DCP2: variants seen among roughly 807,000 people sequenced by gnomAD.
DCP2 encodes the protein decapping mRNA 2, also known as m7GpppN-mRNA hydrolase.
In DCP2, 30 loss-of-function variants were observed where a neutral mutation model predicts 56.1. That is an observed-to-expected ratio of 0.53 (90% CI 0.40 to 0.73). The LOEUF (loss-of-function observed/expected upper bound fraction) is 0.73, where lower values mean the gene tolerates loss of function less well. DCP2 is among the 30% of genes least tolerant of loss of function. The probability of loss-of-function intolerance (pLI) is 0.00; values close to 1 mark genes in which losing one functional copy is unlikely to be tolerated. For synonymous variants in DCP2, 197 were observed against 163.3 expected (o/e 1.21, Z -1.57); for missense variants, 533 against 502.7 (o/e 1.06, Z -0.58).
chr5:113,022,058 T>C lies in DCP2; in HGVS notation c.*8574T>C, dbSNP rs1190725317. On this transcript the variant is annotated 3_prime_UTR_variant, in exon 11 of 11. Transcript: ENST00000389063. ...TTTGCCTGCATGTATATCACAGTTC[T>C]ACAGAAGGATAGCCTTACCCTTTAA... 1 of 152,280 alleles carries C rather than the reference T, an allele frequency of 6.6e-6. No individual in the cohort carries two copies. The highest frequency in any genetic ancestry group is 2.4e-5 in the African/African-American group (1 of 41,458). 9.4% of individuals were successfully genotyped at this position (152,280 alleles called of 1,614,324 possible).
chr5:112,981,948 T>A (rs1279956230), intron 1 of DCP2, among the ~76,000 whole-genome samples: 1 of 152,160 alleles, frequency 6.6e-6, no homozygotes, highest in East Asian at 1.9e-4. Flanking sequence ...ATATTTTTAG[T>A]GGAGACGGGG....
intron 2 of DCP2, 131 bp downstream of exon 2, chr5:112,986,117 A>G: frequency 1.2e-6 from 1 of 842,256 alleles, no homozygotes; most frequent in Admixed American, 2.9e-5. Flanking sequence ...AAATTTGTCA[A>G]ACATAAATAG....
intron 9 of DCP2, among the ~76,000 whole-genome samples, chr5:113,010,034 CTTTT>C (rs532353785): frequency 1.6e-5 from 2 of 127,564 alleles, no homozygotes; most frequent in Non-Finnish European, 1.7e-5. Context: ...TGCCTCAGCT[CTTTT>C]TTTTTTTTTT....
intron 6 of DCP2, 35 bp downstream of exon 6, chr5:113,001,504 A>G: frequency 1.2e-6 from 2 of 1,608,344 alleles, no homozygotes; most frequent in Non-Finnish European, 8.5e-7. Context: ...AACTTTCATG[A>G]TTGGGATAGT....
chr5:113,013,368 C>T lies in DCP2; in HGVS notation c.1147C>T (p.His383Tyr), dbSNP rs1749757385. ...CTCCAGTGAAGACCAGTTGCTAGAA[C>T]ATGCTGAGGGACAGCCCGTGGCATG... ...PSSSEDQLLE[H>Y]AEGQPVACNG... The change falls in exon 11 of 11, where the codon CAT becomes TAT. Residue 383 changes from histidine to tyrosine, a missense_variant. His to Tyr is a moderately conservative substitution (Grantham distance 83). Coordinates refer to ENST00000389063, the MANE Select transcript of DCP2 (RefSeq NM_152624.6). 6.2e-7 allele frequency: 1 copy of T among 1,614,054 alleles called. No individual in the cohort carries two copies. Among genetic ancestry groups the T allele is most frequent in the Non-Finnish European group, 8.5e-7 (1 of 1,180,010 alleles).
chr5:113,006,743 A>C (rs113011907), intron 8 of DCP2, among the ~76,000 whole-genome samples: 2 of 152,366 alleles, frequency 1.3e-5, no homozygotes, highest in East Asian at 3.9e-4. Context: ...ATTTAAACTT[A>C]AGAATTTTTT....
intron 1 of DCP2, among the ~76,000 whole-genome samples, chr5:112,981,891 C>T (rs1316195041): frequency 6.6e-6 from 1 of 152,174 alleles, no homozygotes; most frequent in Non-Finnish European, 1.5e-5. Context: ...CTGCCTCATC[C>T]TCCCGAGTAG....
At position 113,015,816 on chromosome 5, in the gene DCP2, T is replaced by C. The variant is rs1749862708; in HGVS notation, c.*2332T>C. 6.5e-6 allele frequency: 1 copy of C among 152,676 alleles called. No homozygotes were observed. The highest frequency in any genetic ancestry group is 2.1e-4 in the South Asian group (1 of 4,834). The allele number at this position is 152,676 out of a possible 1,614,324, so 9.5% of individuals were successfully genotyped here. A position where few individuals can be genotyped will look rare whatever the true frequency, so the allele number is the denominator to read the frequency against. On this transcript the variant is annotated 3_prime_UTR_variant, in exon 11 of 11. Coordinates refer to ENST00000389063, the MANE Select transcript of DCP2 (RefSeq NM_152624.6). ...ATAGTTTCTCAGTGTTCAGGTTACC[T>C]TGAGAAAGGCCATGCTTAGCGAACT...
chr5:113,011,100 G>A (rs1257560350), intron 10 of DCP2, among the ~76,000 whole-genome samples: 1 of 152,142 alleles, frequency 6.6e-6, no homozygotes, highest in Non-Finnish European at 1.5e-5. Context: ...TTTGGGGAGA[G>A]TAGAAAGAAT....
At position 113,004,942 on chromosome 5, in the gene DCP2, G is replaced by A. The variant is rs1026608093; in HGVS notation, c.942+865G>A. Among the ~76,000 whole-genome samples the A allele has an allele frequency of 4.0e-5, 6 of 151,824 alleles. No homozygotes were observed. In the East Asian group the frequency reaches 9.7e-4, roughly 24 times the overall value. On this transcript the variant is annotated intron_variant, in intron 8 of 10. Transcript: ENST00000389063. ...ATAAGTTCGAGATCAGCCCCGACATGGTGAAACCCCGTCTTTACTAAAAAT... is the reference window on the plus strand; with the variant it reads ...ATAAGTTCGAGATCAGCCCCGACATAGTGAAACCCCGTCTTTACTAAAAAT...
intron 4 of DCP2, among the ~76,000 whole-genome samples, chr5:113,000,430 A>ACC (rs1161985508): frequency 1.4e-5 from 2 of 141,152 alleles, no homozygotes; most frequent in South Asian, 2.3e-4. Context: ...ACACACCCAC[A>ACC]CACCCTACCT....
chr5:112,983,466 C>T (rs148031168), intron 1 of DCP2, among the ~76,000 whole-genome samples: 146 of 152,200 alleles, frequency 9.6e-4, no homozygotes, highest in African/African-American at 3.3e-3. Context: ...AATTTGAACT[C>T]CTTGGCTTTA....
rs1749929396 is a variant in DCP2, at chr5:113,017,298, A to C, written c.*3814A>C. The C allele has an allele frequency of 6.6e-6, 1 of 151,764 alleles. No homozygotes were observed. Among genetic ancestry groups the C allele is most frequent in the South Asian group, 2.1e-4 (1 of 4,826 alleles). The allele number at this position is 151,764 out of a possible 1,614,324, so 9.4% of individuals were successfully genotyped here. A position where few individuals can be genotyped will look rare whatever the true frequency, so the allele number is the denominator to read the frequency against. On this transcript the variant is annotated 3_prime_UTR_variant, in exon 11 of 11. Transcript: ENST00000389063. ...GTTGTAACTTTAGATTACTAAACAA[A>C]ACAAACTGTTTTTTTGTTTGAAGGT...
At chr5:113,008,299 A>T (rs1461965704) in intron 9 of DCP2, 2 of 311,974 alleles carry the variant, frequency 6.4e-6, no homozygotes, top group Non-Finnish European at 1.2e-5. Flanking sequence ...TGTGTACTCA[A>T]ACCTGTTCTC....
At chr5:112,992,817 T>C in intron 4 of DCP2, 47 bp downstream of exon 4, 2 of 1,450,588 alleles carry the variant, frequency 1.4e-6, no homozygotes, top group Non-Finnish European at 1.8e-6. Flanking sequence ...TATTAGGGTC[T>C]GAATGTATTT....
At chr5:112,988,248 CAAGGGGGGCG>C (rs1019621120) in intron 2 of DCP2, among the ~76,000 whole-genome samples, 5 of 151,060 alleles carry the variant, frequency 3.3e-5, no homozygotes, top group African/African-American at 7.3e-5. Flanking sequence ...TTTGGGAGGC[CAAGGGGGGCG>C]GATCACTAAG....
chr5:112,983,867 A>G (rs927948131), intron 1 of DCP2: 2 of 152,364 alleles, frequency 1.3e-5, no homozygotes, highest in Non-Finnish European at 2.9e-5. Context: ...ATCATTTCCA[A>G]CTTAGAATTC....
rs765989351 is a variant in DCP2 at position 112,985,908 on chromosome 5, C to T, written c.127C>T (p.His43Tyr). ...AGTGTGTTTTCAGATTGAACTTGCC[C>T]ATTGGTTTTACTTGGATTTCTACAT... ...IRVCFQIELA[H>Y]WFYLDFYMQN... is the part of the protein sequence containing the mutation. The change falls in exon 2 of 11, where the codon CAT (histidine) becomes TAT (tyrosine). Residue 43 changes from histidine (H) to tyrosine (Y), a missense_variant. By Grantham distance (83) the His-to-Tyr change is moderately conservative (BLOSUM62 2). Transcript: ENST00000389063. 12 of 1,610,184 alleles carry T rather than the reference C, an allele frequency of 7.5e-6. No homozygotes were observed. Among genetic ancestry groups the T allele is most frequent in the Non-Finnish European group, 1.0e-5 (12 of 1,177,014 alleles).
chr5:113,009,972 G>A (rs1337252081), intron 9 of DCP2, among the ~76,000 whole-genome samples: 1 of 146,346 alleles, frequency 6.8e-6, no homozygotes, highest in African/African-American at 2.5e-5. Context: ...GAGTACAATG[G>A]CACGTACATT....
Sources: gnomAD v4.1 joint callset for allele counts (sites outside exome capture counted in the v4.1 genomes callset) on GRCh38, gnomAD v4.1.1 for gene constraint, MANE v1.5 for transcripts, NCBI Gene and HGNC (gene_info 2026-07-23, HGNC 2026-07-21) for gene names.